Variants in SLC43A3 observed in about 807,000 individuals in gnomAD.
SLC43A3 encodes solute carrier family 43 member 3, also known as equilibrative nucleobase transporter 1.
In SLC43A3, 33 loss-of-function variants were observed where a neutral mutation model predicts 53.3. That is an observed-to-expected ratio of 0.62 (90% CI 0.47 to 0.83). The LOEUF (loss-of-function observed/expected upper bound fraction) is 0.83. Ranked by LOEUF, SLC43A3 falls within the 40% of genes least tolerant of loss-of-function variation. The pLI, the probability that SLC43A3 is intolerant of heterozygous loss-of-function variation, is 0.00. For synonymous variants in SLC43A3, 236 were observed against 246.2 expected (o/e 0.96, Z 0.39); for missense variants, 530 against 610.0 (o/e 0.87, Z 1.38).
intron 4 of SLC43A3, among the ~76,000 whole-genome samples, chr11:57,424,560 G>A (rs910004073): frequency 2.0e-5 from 3 of 151,882 alleles, no homozygotes; most frequent in Non-Finnish European, 4.4e-5. Flanking sequence ...CAGGACTACA[G>A]TCCCAAGGTT....
chr11:57,422,832 GT>G (rs1285832158), intron 5 of SLC43A3, among the ~76,000 whole-genome samples: 1 of 152,222 alleles, frequency 6.6e-6, no homozygotes, highest in Non-Finnish European at 1.5e-5. Flanking sequence ...GATAAGGAGA[GT>G]GGTTTGAAAT....
intron 7 of SLC43A3, 47 bp from the exon 8 acceptor site, chr11:57,417,934 C>T: frequency 6.3e-7 from 1 of 1,584,572 alleles, no homozygotes; most frequent in South Asian, 1.1e-5. Flanking sequence ...ACGTTCATAG[C>T]AGCACTATTC....
At chr11:57,420,360 T>C (rs905434420) in intron 7 of SLC43A3, among the ~76,000 whole-genome samples, 2 of 152,330 alleles carry the variant, frequency 1.3e-5, no homozygotes, top group African/African-American at 2.4e-5. Flanking sequence ...CCTCCACCTA[T>C]CACTAGCAAC....
At chr11:57,424,247 T>A (rs1367660328) in intron 4 of SLC43A3, among the ~76,000 whole-genome samples, 1 of 152,224 alleles carries the variant, frequency 6.6e-6, no homozygotes. Context: ...ACAGTGCATT[T>A]TGCTCATTCT....
intron 5 of SLC43A3, among the ~76,000 whole-genome samples, chr11:57,421,955 CA>C (rs1943006419): frequency 6.6e-6 from 1 of 152,236 alleles, no homozygotes; most frequent in South Asian, 2.1e-4. Context: ...CAAGATGAAT[CA>C]GATAGTCCTT....
In SLC43A3 at chr11:57,423,990, G is replaced by A. The variant is rs757368612; in HGVS notation, c.353C>T (p.Thr118Ile). 1 of 1,614,176 alleles carries A rather than the reference G, an allele frequency of 6.2e-7. No homozygotes were observed. Among genetic ancestry groups the A allele is most frequent in the Non-Finnish European group, 8.5e-7 (1 of 1,180,002 alleles). ...CACCTGACAGCACTCACCTGCAGAG[G>A]TGAAGGCTATGATGAGTGTGGCGGT... ...YTTATLIIAFTSAGSAVLLFL... is the reference protein window; with the variant it reads ...YTTATLIIAFISAGSAVLLFL... Residue 118 changes from threonine to isoleucine, a missense_variant, in exon 5 of 14, where the codon ACC (threonine) becomes ATC (isoleucine). Coordinates refer to ENST00000395124, the MANE Select transcript of SLC43A3 (RefSeq NM_199329.3).
intron 9 of SLC43A3, 131 bp from the exon 10 acceptor site, chr11:57,415,237 G>A (rs1371253872): frequency 1.5e-5 from 23 of 1,539,670 alleles, no homozygotes; most frequent in East Asian, 7.3e-5. Context: ...GAACTCACCC[G>A]GCGTGCTCTG....
chr11:57,417,845 A>G lies in SLC43A3; in HGVS notation c.574T>C (p.Phe192Leu). 1 of 1,614,202 alleles carries G rather than the reference A, an allele frequency of 6.2e-7. No individual in the cohort carries two copies. Among genetic ancestry groups the G allele is most frequent in the Admixed American group, 1.7e-5 (1 of 60,014 alleles). ...TGCCAGGTACTGCAGACAGAGATGA[A>G]GATGAAGGAGGCCCTGAGGCTGATG... ...KGISLRASFI[F>L]ISVCSTWHVA... Residue 192 changes from phenylalanine to leucine, a missense_variant, in exon 8 of 14, where the codon TTC becomes CTC. Coordinates refer to ENST00000395124, the MANE Select transcript of SLC43A3 (RefSeq NM_199329.3).
intron 11 of SLC43A3, among the ~76,000 whole-genome samples, chr11:57,412,852 T>C (rs1942542718): frequency 6.6e-6 from 1 of 151,948 alleles, no homozygotes; most frequent in African/African-American, 2.4e-5. Context: ...TTTGCGATCC[T>C]AATGAAATAA....
chr11:57,410,221 C>T (rs932734967), intron 11 of SLC43A3, 100 bp from the exon 12 acceptor site: 1 of 948,240 alleles, frequency 1.1e-6, no homozygotes, highest in African/African-American at 1.7e-5. Context: ...AGCCACTATC[C>T]ATCCACTGTC....
At position 57,417,649 on chromosome 11, in the gene SLC43A3, C is replaced by A. The variant is rs1942782990; in HGVS notation, c.671+99G>T. 7 of 1,379,622 alleles carry A rather than the reference C, an allele frequency of 5.1e-6. No individual in the cohort carries two copies. In the African/African-American group the frequency reaches 5.8e-5, roughly 11 times the overall value. 85.5% of individuals were successfully genotyped at this position (1,379,622 alleles called of 1,614,324 possible). Reference sequence around the variant, plus strand: ...GCAATAGCTAACAGATGCACTGCTCCAGTCCTCCTCCTCTCCTGTGATAGG... The same window carrying A: ...GCAATAGCTAACAGATGCACTGCTCAAGTCCTCCTCCTCTCCTGTGATAGG... On this transcript the variant is annotated intron_variant, in intron 8 of 13. Coordinates refer to ENST00000395124, the MANE Select transcript of SLC43A3 (RefSeq NM_199329.3).
At position 57,416,589 on chromosome 11, in the gene SLC43A3, GA is replaced by G; in HGVS notation, c.752del (p.Phe251SerfsTer38). On this transcript the variant is annotated frameshift_variant, in exon 9 of 14. Transcript: ENST00000395124. LOFTEE classifies it high-confidence loss of function. The part of the protein sequence containing the change: ...HENRELQSKE[F>X]LSAKEETPGA... ...AGGGCTCACCTTCCTTCGCTGAAAGGAACTCCTTTGACTGTAGCTCCCTGTT... is the reference window on the plus strand; with the variant it reads ...AGGGCTCACCTTCCTTCGCTGAAAGGACTCCTTTGACTGTAGCTCCCTGTT... 6.2e-7 allele frequency: 1 copy of G among 1,613,938 alleles called. No homozygotes were observed. The highest frequency in any genetic ancestry group is 8.5e-7 in the Non-Finnish European group (1 of 1,179,868).
At chr11:57,415,665 T>A (rs769246376) in intron 9 of SLC43A3, among the ~76,000 whole-genome samples, 1 of 152,144 alleles carries the variant, frequency 6.6e-6, no homozygotes, top group African/African-American at 2.4e-5. Flanking sequence ...GAGTTTAGAT[T>A]AGGATGGACT....
chr11:57,420,872 C>G, intron 7 of SLC43A3, 100 bp downstream of exon 7: 1 of 810,742 alleles, frequency 1.2e-6, no homozygotes, highest in Non-Finnish European at 2.1e-6. Flanking sequence ...TAACACAGTA[C>G]CTACCTCACC....
chr11:57,416,166 C>T (rs1471996375), intron 9 of SLC43A3, among the ~76,000 whole-genome samples: 4 of 152,016 alleles, frequency 2.6e-5, no homozygotes, highest in East Asian at 1.9e-4. Context: ...TAACCAAAGA[C>T]GCAGAACAGA....
At chr11:57,415,469 G>A in intron 9 of SLC43A3, 1 of 1,221,328 alleles carries the variant, frequency 8.2e-7, no homozygotes, top group Non-Finnish European at 1.1e-6. Context: ...GAATGAGTGT[G>A]GATACTCTGT....
At chr11:57,423,676 C>T (rs866840565) in intron 5 of SLC43A3, 5 of 243,828 alleles carry the variant, frequency 2.1e-5, no homozygotes, top group East Asian at 8.0e-5. Context: ...ATGATCCACC[C>T]GCCTCAGCCT....
Position 57,416,583 on chromosome 11 carries a change from T to C in SLC43A3, c.759A>G (p.Ser253=), listed in dbSNP as rs144781903. ...NRELQSKEFL[S]AKEETPGAGQ... is the part of the protein sequence containing the mutation. ...GCCAGCAGGGCTCACCTTCCTTCGC[T>C]GAAAGGAACTCCTTTGACTGTAGCT... Residue 253 remains serine (S), a synonymous_variant, in exon 9 of 14, where the codon TCA becomes TCG. Transcript: ENST00000395124. The C allele has an allele frequency of 5.1e-5, 82 of 1,613,538 alleles. No individual in the cohort carries two copies. The African/African-American group carries it at 8.8e-4, about 17-fold the overall frequency.
chr11:57,420,822 T>C (rs1280314870), intron 7 of SLC43A3, 150 bp downstream of exon 7: 1 of 630,004 alleles, frequency 1.6e-6, no homozygotes, highest in African/African-American at 1.8e-5. Context: ...ACAAGCTTTT[T>C]AACCTCAGAG....
Sources: allele counts gnomAD v4.1 joint callset (sites outside exome capture counted in the v4.1 genomes callset), GRCh38; gene constraint gnomAD v4.1.1; transcripts MANE v1.5; gene names NCBI Gene and HGNC (gene_info 2026-07-23, HGNC 2026-07-21).